The following WWOX variants were observed in gnomAD, a reference collection of about 807,000 sequenced individuals.
The protein encoded by WWOX is WW domain containing oxidoreductase, also known as WW domain-containing oxidoreductase.
In WWOX, 69 loss-of-function variants were observed where a neutral mutation model predicts 46.2. The ratio of observed to expected loss-of-function variants is 1.49; its 90% confidence interval spans 1.23 to 1.82. The LOEUF (loss-of-function observed/expected upper bound fraction) is 1.82, where lower values mean the gene tolerates loss of function less well. Ranked by LOEUF, WWOX falls within the 40% of genes most tolerant of loss-of-function variation. The pLI is 0.00. For missense variants in WWOX, 919 were observed against 542.6 expected, an observed-to-expected ratio of 1.69 and a Z score of -6.89; for synonymous variants, 359 against 202.6, an observed-to-expected ratio of 1.77 and a Z score of -6.56.
chr16:78,621,955 G>A (rs2046200109), intron 8 of WWOX, among the ~76,000 whole-genome samples: 2 of 152,060 alleles, frequency 1.3e-5, no homozygotes, highest in Non-Finnish European at 1.5e-5. Context: ...CTTTGAAATT[G>A]TACTGGTTTT....
At chr16:78,795,863 C>G (rs1465081847) in intron 8 of WWOX, among the ~76,000 whole-genome samples, 1 of 151,880 alleles carries the variant, frequency 6.6e-6, no homozygotes, top group Non-Finnish European at 1.5e-5. Flanking sequence ...CCAATAAATG[C>G]AATAGATGTT....
intron 8 of WWOX, among the ~76,000 whole-genome samples, chr16:78,748,014 C>T (rs1326130888): frequency 1.3e-5 from 2 of 152,104 alleles, no homozygotes; most frequent in African/African-American, 2.4e-5. Flanking sequence ...CCATCTGCGC[C>T]GAAGAGTATT....
chr16:78,680,748 C>G (rs763747419), intron 8 of WWOX, among the ~76,000 whole-genome samples: 8 of 152,104 alleles, frequency 5.3e-5, no homozygotes, highest in African/African-American at 1.9e-4. Flanking sequence ...GTAGAGTGTC[C>G]CATTGCACAG....
chr16:78,972,484 A>T (rs933852373), intron 8 of WWOX, among the ~76,000 whole-genome samples: 1 of 147,536 alleles, frequency 6.8e-6, no homozygotes, highest in African/African-American at 2.5e-5. Flanking sequence ...AAAAAAAAAA[A>T]TAAAAGAACC....
chr16:78,201,500 G>A (rs1485789872), intron 5 of WWOX, among the ~76,000 whole-genome samples: 5 of 152,168 alleles, frequency 3.3e-5, no homozygotes, highest in African/African-American at 1.2e-4. Context: ...GAAAAAAGAG[G>A]CAAGAGAGAA....
chr16:78,298,240 CA>C (rs1329603204), intron 5 of WWOX, among the ~76,000 whole-genome samples: 2 of 152,110 alleles, frequency 1.3e-5, no homozygotes, highest in Non-Finnish European at 2.9e-5. Context: ...GGGACTAATA[CA>C]GGGGTGATCA....
chr16:78,640,192 GGT>G (rs372093599), intron 8 of WWOX, among the ~76,000 whole-genome samples: 6 of 148,524 alleles, frequency 4.0e-5, no homozygotes, highest in Admixed American at 1.3e-4. Context: ...TTGGGTCATG[GGT>G]GTGTGTGTGT....
chr16:79,051,461 G>C (rs1322927701), intron 8 of WWOX, among the ~76,000 whole-genome samples: 1 of 151,960 alleles, frequency 6.6e-6, no homozygotes, highest in South Asian at 2.1e-4. Context: ...AAGACCTTTT[G>C]AGGTTGCCAC....
chr16:78,552,829 G>C (rs571022219), intron 8 of WWOX: 2 of 151,682 alleles, frequency 1.3e-5, no homozygotes, highest in Admixed American at 1.3e-4. Flanking sequence ...TATTCTTATT[G>C]TGGTATGGTA....
At chr16:78,321,862 A>G (rs1260406496) in intron 5 of WWOX, among the ~76,000 whole-genome samples, 1 of 152,082 alleles carries the variant, frequency 6.6e-6, no homozygotes, top group East Asian at 1.9e-4. Context: ...GGAGAGGCAT[A>G]TGATTCTGTT....
At chr16:78,456,727 A>C (rs1443791188) in intron 8 of WWOX, among the ~76,000 whole-genome samples, 1 of 152,270 alleles carries the variant, frequency 6.6e-6, no homozygotes, top group Non-Finnish European at 1.5e-5. Flanking sequence ...AAAAGGTAGA[A>C]TATCCACATG....
chr16:78,150,616 C>G (rs756273442), intron 4 of WWOX, among the ~76,000 whole-genome samples: 4 of 151,758 alleles, frequency 2.6e-5, no homozygotes, highest in Admixed American at 6.6e-5. Context: ...CTCCTCAGCT[C>G]AAGCAATCCT....
intron 8 of WWOX, among the ~76,000 whole-genome samples, chr16:78,940,740 T>C (rs890995782): frequency 4.6e-5 from 7 of 152,058 alleles, no homozygotes; most frequent in Admixed American, 4.6e-4. Context: ...ACTTTTTTTT[T>C]CCCTTTCAGT....
intron 8 of WWOX, among the ~76,000 whole-genome samples, chr16:78,578,328 C>G (rs1189635957): frequency 1.9e-5 from 2 of 105,530 alleles, no homozygotes; most frequent in Non-Finnish European, 3.5e-5. Flanking sequence ...CTCACCCTTT[C>G]ACCCAGGCTG....
chr16:78,730,698 G>T (rs961247317), intron 8 of WWOX, among the ~76,000 whole-genome samples: 2 of 149,278 alleles, frequency 1.3e-5, no homozygotes, highest in Admixed American at 6.8e-5. Context: ...GGGCTCAAGC[G>T]ATACTCCCTC....
intron 5 of WWOX, among the ~76,000 whole-genome samples, chr16:78,186,825 G>A (rs74842532): frequency 0.031 from 4,697 of 152,228 alleles, 245 homozygotes; most frequent in African/African-American, 0.11. Flanking sequence ...TAGAAGTTGC[G>A]AAGAATAGTC....
intron 8 of WWOX, among the ~76,000 whole-genome samples, chr16:78,743,688 C>G (rs1459398081): frequency 1.3e-5 from 2 of 152,102 alleles, no homozygotes; most frequent in Non-Finnish European, 2.9e-5. Flanking sequence ...CACGACCATT[C>G]AGCCGTTTGC....
At position 78,495,145 on chromosome 16, in the gene WWOX, C is replaced by CTTTTTTTTTTTTTTTTT. The variant is rs71140804; in HGVS notation, c.1056+62407_1056+62408insTTTTTTTTTTTTTTTTT. Among the ~76,000 whole-genome samples, 4 of 116,610 alleles carry CTTTTTTTTTTTTTTTTT rather than the reference C, an allele frequency of 3.4e-5. 1 individual carries two copies. Among genetic ancestry groups the CTTTTTTTTTTTTTTTTT allele is most frequent in the Non-Finnish European group, 3.5e-5 (2 of 57,746 alleles). The allele number at this position is 116,610 out of a possible 152,430, so 76.5% of individuals were successfully genotyped here. A position where few individuals can be genotyped will look rare whatever the true frequency, so the allele number is the denominator to read the frequency against. ...AAGATTAGTAGTAGACTGTTGTGTT[C>CTTTTTTTTTTTTTTTTT]TTTTTTTTTTTTTTGAGATAGACTC... On this transcript the variant is annotated intron_variant, in intron 8 of 8. Transcript: ENST00000566780.
At chr16:78,744,422 CTTTTTTTTTTTTTTTT>C (rs976073233) in intron 8 of WWOX, among the ~76,000 whole-genome samples, 5 of 82,256 alleles carry the variant, frequency 6.1e-5, no homozygotes, top group Non-Finnish European at 8.9e-5. Flanking sequence ...GTCCACACTG[CTTTTTTTTTTTTTTTT>C]TTTTTTTTTT....
Sources: gnomAD v4.1 joint callset for allele counts (sites outside exome capture counted in the v4.1 genomes callset) on GRCh38, gnomAD v4.1.1 for gene constraint, MANE v1.5 for transcripts, NCBI Gene and HGNC (gene_info 2026-07-23, HGNC 2026-07-21) for gene names.